The following TEX9 variants were observed in gnomAD, a reference collection of about 807,000 sequenced individuals.
TEX9 encodes the protein testis-expressed protein 9.
TEX9 carries 74 observed loss-of-function variants against 59.6 expected under a neutral mutation model. The observed-to-expected ratio is 1.24, with a 90% CI of 1.03 to 1.51. The LOEUF is 1.51. Ranked by LOEUF, TEX9 falls within the 40% of genes most tolerant of loss-of-function variation. The pLI, the probability that TEX9 is intolerant of heterozygous loss-of-function variation, is 0.00. For missense variants in TEX9, 522 were observed against 447.8 expected (o/e 1.17, Z -1.49); for synonymous variants, 186 against 152.2 (o/e 1.22, Z -1.64).
chr15:56,443,659 T>C, intron 12 of TEX9: 1 of 1,612,858 alleles, frequency 6.2e-7, no homozygotes, highest in Non-Finnish European at 8.5e-7. Flanking sequence ...GCTGTAGCCT[T>C]TTCTCCTCAT....
intron 9 of TEX9, among the ~76,000 whole-genome samples, chr15:56,400,857 A>C (rs1185782751): frequency 6.6e-6 from 1 of 152,228 alleles, no homozygotes; most frequent in East Asian, 1.9e-4. Flanking sequence ...TTTTCAATCT[A>C]GAATTTCATA....
chr15:56,300,708 G>GGGAGAGAGAGAGAGAGAGAGAGAGAGAGA (rs1160272154), intron 1 of TEX9, among the ~76,000 whole-genome samples: 2 of 102,730 alleles, frequency 1.9e-5, no homozygotes, highest in Admixed American at 1.0e-4. Context: ...AGAGAGAGAG[G>GGGAGAGAGAGAGAGAGAGAGAGAGAGAGA]GAGAGAGAGA....
chr15:56,394,726 G>A, exon 9 of TEX9: 1 of 1,611,154 alleles, frequency 6.2e-7, no homozygotes, highest in Non-Finnish European at 8.5e-7. Flanking sequence ...TGAGACAGCA[G>A]CGAACAATTA....
chr15:56,267,580 A>T (rs2718935), intron 1 of TEX9, among the ~76,000 whole-genome samples: 3 of 152,102 alleles, frequency 2.0e-5, no homozygotes, highest in African/African-American at 7.2e-5. Flanking sequence ...TTTATTAAAT[A>T]GGGAATCCTT....
At chr15:56,456,518 C>T in the TEX9 span, 1 of 1,606,670 alleles carries the variant, frequency 6.2e-7, no homozygotes, top group Non-Finnish European at 8.5e-7. Flanking sequence ...TTGTTTTCTT[C>T]TGCCTGAACG....
At chr15:56,299,409 G>C (rs1250241422) in intron 1 of TEX9, among the ~76,000 whole-genome samples, 3 of 152,162 alleles carry the variant, frequency 2.0e-5, no homozygotes, top group African/African-American at 4.8e-5. Context: ...CTACCACCAT[G>C]GGCTAAAACA....
rs557866272 is a variant in TEX9, at chr15:56,347,893, T to A, written c.-106-25548T>A. ...ATAAAGGATTAGTATATAGAACATATAATGAGCTCTTAAAACCCAACAGTA... is the reference window on the plus strand; with the variant it reads ...ATAAAGGATTAGTATATAGAACATAAAATGAGCTCTTAAAACCCAACAGTA... On this transcript the variant is annotated intron_variant, in intron 1 of 5. Coordinates refer to the TEX9 transcript ENST00000560827. Among the ~76,000 whole-genome samples, 33 of 152,122 alleles carry A rather than the reference T, an allele frequency of 2.2e-4. No homozygotes were observed. The East Asian group carries it at 2.3e-3, about 11-fold the overall frequency.
chr15:56,415,699 T>A (rs1359010261), intron 10 of TEX9, among the ~76,000 whole-genome samples: 3 of 151,900 alleles, frequency 2.0e-5, no homozygotes. Flanking sequence ...TTCTTTTTGC[T>A]TAGTATTGCC....
chr15:56,417,072 T>C (rs1310694854), intron 10 of TEX9, among the ~76,000 whole-genome samples: 2 of 151,900 alleles, frequency 1.3e-5, no homozygotes, highest in East Asian at 3.9e-4. Context: ...TCATTTCTAA[T>C]TGTGTTTATT....
At chr15:56,258,349 G>T (rs1319976052) in intron 1 of TEX9, among the ~76,000 whole-genome samples, 10 of 151,938 alleles carry the variant, frequency 6.6e-5, no homozygotes, top group African/African-American at 1.7e-4. Flanking sequence ...TTTAATGGGA[G>T]TAGCGTAGAA....
At chr15:56,300,992 C>T (rs555318474) in intron 1 of TEX9, among the ~76,000 whole-genome samples, 6 of 152,138 alleles carry the variant, frequency 3.9e-5, no homozygotes, top group Non-Finnish European at 7.4e-5. Flanking sequence ...GAAAATGTGA[C>T]CTTACCAAAT....
At chr15:56,396,422 G>GC (rs1196112480) in intron 9 of TEX9, 1 of 151,982 alleles carries the variant, frequency 6.6e-6, no homozygotes, top group African/African-American at 2.4e-5. Flanking sequence ...AGTTCCATCA[G>GC]CCCCCCAAAA....
chr15:56,302,708 C>G (rs2045392080), intron 1 of TEX9, among the ~76,000 whole-genome samples: 1 of 151,914 alleles, frequency 6.6e-6, no homozygotes, highest in African/African-American at 2.4e-5. Context: ...TCTTACTTAT[C>G]AATAATAACA....
intron 1 of TEX9, among the ~76,000 whole-genome samples, chr15:56,347,186 C>G (rs1173655677): frequency 6.6e-6 from 1 of 152,090 alleles, no homozygotes; most frequent in Non-Finnish European, 1.5e-5. Context: ...AATACAATTC[C>G]TGTCACAATC....
At chr15:56,318,086 C>G (rs1456775524) in intron 1 of TEX9, among the ~76,000 whole-genome samples, 2 of 152,062 alleles carry the variant, frequency 1.3e-5, no homozygotes, top group Admixed American at 6.5e-5. Flanking sequence ...ACTGAAATCT[C>G]TCTTATTGTT....
chr15:56,334,310 C>T (rs2046217355), intron 1 of TEX9, among the ~76,000 whole-genome samples: 1 of 152,096 alleles, frequency 6.6e-6, no homozygotes, highest in Non-Finnish European at 1.5e-5. Context: ...TAAAGACAGA[C>T]ACATAGACCA....
At chr15:56,347,840 C>T (rs72740579) in intron 1 of TEX9, among the ~76,000 whole-genome samples, 10,584 of 151,876 alleles carry the variant, frequency 0.07, 458 homozygotes, top group Non-Finnish European at 0.1. Flanking sequence ...TATAGAGTGG[C>T]AGAAAATATT....
chr15:56,394,769 ACT>A lies in TEX9; in HGVS notation c.766_767del (p.Leu256PhefsTer9). The A allele has an allele frequency of 5.0e-6, 8 of 1,613,126 alleles. No homozygotes were observed. The highest frequency in any genetic ancestry group is 1.7e-5 in the Admixed American group (1 of 59,836). On this transcript the variant is annotated frameshift_variant, in exon 9 of 13. Coordinates refer to ENST00000352903, the Ensembl canonical transcript of TEX9. LOFTEE classifies it high-confidence loss of function. ...ACAGTCTCAAGTAGAAAAATACAAA[ACT>A]CTTTTCGAAGAAGCAAACAAAAAGT...
chr15:56,351,041 C>T (rs2141875331), intron 1 of TEX9, among the ~76,000 whole-genome samples: 1 of 152,244 alleles, frequency 6.6e-6, no homozygotes, highest in African/African-American at 2.4e-5. Context: ...TCATAGGCTG[C>T]CAAACCCCAG....
Sources: gnomAD v4.1 joint callset for allele counts (sites outside exome capture counted in the v4.1 genomes callset) on GRCh38, gnomAD v4.1.1 for gene constraint, MANE v1.5 for transcripts, NCBI Gene and HGNC (gene_info 2026-07-23, HGNC 2026-07-21) for gene names.